EFNA5: variants seen among roughly 807,000 people sequenced by gnomAD.
EFNA5 encodes ephrin-A5.
A neutral mutation model predicts 22.9 loss-of-function variants in EFNA5; 5 were observed. The observed-to-expected ratio is 0.22, with a 90% CI of 0.11 to 0.46. The LOEUF is 0.46. Among genes scored for constraint, EFNA5 ranks in the 20% least tolerant of loss-of-function variants. EFNA5 has a pLI of 0.99. For missense variants in EFNA5, 237 were observed against 293.3 expected (o/e 0.81, Z 1.40); for synonymous variants, 113 against 112.2 (o/e 1.01, Z -0.04).
At chr5:107,642,812 C>G (rs1293942790) in intron 1 of EFNA5, among the ~76,000 whole-genome samples, 1 of 151,636 alleles carries the variant, frequency 6.6e-6, no homozygotes, top group Non-Finnish European at 1.5e-5. Flanking sequence ...TTTTAGGGAT[C>G]ACTTTAAACA....
At chr5:107,626,724 GTTTC>G (rs1441311392) in intron 1 of EFNA5, among the ~76,000 whole-genome samples, 4 of 152,104 alleles carry the variant, frequency 2.6e-5, no homozygotes, top group Non-Finnish European at 4.4e-5. Context: ...CAAAGAACAT[GTTTC>G]TTTATTAAAC....
At chr5:107,513,375 T>C (rs534822747) in intron 1 of EFNA5, among the ~76,000 whole-genome samples, 1 of 152,292 alleles carries the variant, frequency 6.6e-6, no homozygotes, top group African/African-American at 2.4e-5. Context: ...ATTCTGTGGG[T>C]TTTGTTTCCA....
At chr5:107,585,899 A>G (rs373689431) in intron 1 of EFNA5, among the ~76,000 whole-genome samples, 6 of 152,206 alleles carry the variant, frequency 3.9e-5, no homozygotes, top group African/African-American at 1.4e-4. Flanking sequence ...CATTTTGGGG[A>G]CAGTTTAGTT....
intron 2 of EFNA5, among the ~76,000 whole-genome samples, chr5:107,407,042 T>C (rs1748243468): frequency 6.6e-6 from 1 of 152,230 alleles, no homozygotes; most frequent in Admixed American, 6.5e-5. Context: ...TTTTTCAACA[T>C]ATACTAGGTT....
At chr5:107,529,661 T>C (rs538038243) in intron 1 of EFNA5, among the ~76,000 whole-genome samples, 1 of 152,242 alleles carries the variant, frequency 6.6e-6, no homozygotes, top group African/African-American at 2.4e-5. Flanking sequence ...CACTTTTGTT[T>C]TGTGCTGAAG....
At chr5:107,430,953 T>G (rs1748940106) in intron 1 of EFNA5, among the ~76,000 whole-genome samples, 1 of 151,986 alleles carries the variant, frequency 6.6e-6, no homozygotes, top group Admixed American at 6.6e-5. Context: ...TTTTTGTATT[T>G]TTAGTAGAGA....
chr5:107,503,655 G>A (rs1306293148), intron 1 of EFNA5, among the ~76,000 whole-genome samples: 1 of 152,134 alleles, frequency 6.6e-6, no homozygotes, highest in Non-Finnish European at 1.5e-5. Flanking sequence ...AAGTAAATGA[G>A]GCAAAATATG....
At chr5:107,600,733 C>A (rs1279921692) in intron 1 of EFNA5, among the ~76,000 whole-genome samples, 1 of 151,996 alleles carries the variant, frequency 6.6e-6, no homozygotes, top group African/African-American at 2.4e-5. Flanking sequence ...AGTGATCCAC[C>A]CGCCTGAGTC....
intron 1 of EFNA5, among the ~76,000 whole-genome samples, chr5:107,511,797 T>C (rs1196228838): frequency 1.2e-4 from 11 of 92,402 alleles, no homozygotes; most frequent in Non-Finnish European, 3.8e-5. Flanking sequence ...ATATATTACT[T>C]TTCTTAAAAA....
chr5:107,642,934 G>GAAAA (rs34467356), intron 1 of EFNA5, among the ~76,000 whole-genome samples: 8 of 133,784 alleles, frequency 6.0e-5, no homozygotes, highest in African/African-American at 1.7e-4. Flanking sequence ...TTCCTCACCT[G>GAAAA]AAAAAAAAAA....
intron 1 of EFNA5, among the ~76,000 whole-genome samples, chr5:107,556,563 T>C (rs561248995): frequency 2.8e-4 from 42 of 151,922 alleles, no homozygotes; most frequent in Non-Finnish European, 4.7e-4. Context: ...CTGGACAACA[T>C]GATGAAACCC....
At chr5:107,532,040 C>T (rs1419329638) in intron 1 of EFNA5, among the ~76,000 whole-genome samples, 3 of 152,138 alleles carry the variant, frequency 2.0e-5, no homozygotes, top group South Asian at 2.1e-4. Flanking sequence ...AATAGATGCC[C>T]CTTTCTGAGG....
At chr5:107,437,266 A>G (rs1268082352) in intron 1 of EFNA5, among the ~76,000 whole-genome samples, 1 of 152,230 alleles carries the variant, frequency 6.6e-6, no homozygotes, top group Non-Finnish European at 1.5e-5. Flanking sequence ...CTAGGGCATG[A>G]TAATAATAAT....
chr5:107,560,051 G>A (rs1748503328), intron 1 of EFNA5, among the ~76,000 whole-genome samples: 1 of 152,130 alleles, frequency 6.6e-6, no homozygotes, highest in African/African-American at 2.4e-5. Flanking sequence ...GGTATTCTAA[G>A]AGTATTAGGG....
chr5:107,592,280 A>G (rs930880014), intron 1 of EFNA5, among the ~76,000 whole-genome samples: 12 of 151,092 alleles, frequency 7.9e-5, no homozygotes, highest in Admixed American at 7.3e-4. Context: ...GATTTCCAAC[A>G]TTTAAAAATA....
At chr5:107,422,898 G>T (rs1748710221) in intron 2 of EFNA5, among the ~76,000 whole-genome samples, 1 of 152,100 alleles carries the variant, frequency 6.6e-6, no homozygotes, top group African/African-American at 2.4e-5. Context: ...CAGAGCAGCT[G>T]GGAGAGAACT....
intron 1 of EFNA5, among the ~76,000 whole-genome samples, chr5:107,508,150 TC>T (rs1236700946): frequency 2.0e-5 from 3 of 152,196 alleles, no homozygotes; most frequent in Non-Finnish European, 4.4e-5. Context: ...CAGGTCTCCT[TC>T]CTCCTGCCAC....
intron 1 of EFNA5, among the ~76,000 whole-genome samples, chr5:107,443,281 A>G (rs1185968466): frequency 2.0e-5 from 3 of 152,228 alleles, no homozygotes; most frequent in Non-Finnish European, 4.4e-5. Context: ...CTCCTTTTCC[A>G]TAGATAGAAC....
chr5:107,561,060 A>G (rs1012365867), intron 1 of EFNA5, among the ~76,000 whole-genome samples: 1 of 152,198 alleles, frequency 6.6e-6, no homozygotes, highest in South Asian at 2.1e-4. Context: ...GATGCTGTAT[A>G]AGGGATATAA....
Sources: gnomAD v4.1 joint callset for allele counts (sites outside exome capture counted in the v4.1 genomes callset) on GRCh38, gnomAD v4.1.1 for gene constraint, MANE v1.5 for transcripts, NCBI Gene and HGNC (gene_info 2026-07-23, HGNC 2026-07-21) for gene names.